Variants in PHACTR4 observed in about 807,000 individuals in gnomAD.
The protein encoded by PHACTR4 is phosphatase and actin regulator 4.
PHACTR4 carries 51 observed loss-of-function variants against 72.7 expected under a neutral mutation model. That is an observed-to-expected ratio of 0.70 (90% CI 0.56 to 0.89). The LOEUF (loss-of-function observed/expected upper bound fraction) is 0.89, where lower values mean the gene tolerates loss of function less well. Ranked by LOEUF, PHACTR4 falls within the 40% of genes least tolerant of loss-of-function variation. The pLI is 0.00. For synonymous variants in PHACTR4, 255 were observed against 302.5 expected, an observed-to-expected ratio of 0.84 and a Z score of 1.63; for missense variants, 731 against 861.8, an observed-to-expected ratio of 0.85 and a Z score of 1.90.
chr1:28,396,874 G>A (rs1235027621), intron 1 of PHACTR4, among the ~76,000 whole-genome samples: 1 of 102,140 alleles, frequency 9.8e-6, no homozygotes, highest in African/African-American at 4.5e-5. Context: ...TGTATTTTTA[G>A]TAGAGACGGG....
chr1:28,452,438 G>A (rs979264951), intron 2 of PHACTR4, among the ~76,000 whole-genome samples: 1 of 152,222 alleles, frequency 6.6e-6, no homozygotes, highest in African/African-American at 2.4e-5. Flanking sequence ...CCCACCAGGA[G>A]TTGGAGGCTG....
intron 1 of PHACTR4, among the ~76,000 whole-genome samples, chr1:28,379,193 G>A (rs528109136): frequency 3.1e-4 from 47 of 152,012 alleles, no homozygotes; most frequent in African/African-American, 1.1e-3. Context: ...AGGCTTAAGC[G>A]ATCTTCCTGC....
intron 1 of PHACTR4, among the ~76,000 whole-genome samples, chr1:28,387,791 G>A (rs548522971): frequency 7.2e-5 from 11 of 151,828 alleles, no homozygotes; most frequent in African/African-American, 2.7e-4. Flanking sequence ...GCAATGGCAC[G>A]ATCTTGGCCC....
rs146999448 is a variant in PHACTR4, at chr1:28,490,328, G to A, written c.1817-623G>A. On this transcript the variant is annotated intron_variant, in intron 10 of 13. Coordinates refer to ENST00000373839, the MANE Select transcript of PHACTR4 (RefSeq NM_001048183.3). ...GAGTGGATCACAAGGTCAGGAGATC[G>A]AGACCATCCTGGCTAACATGGTGAA... Among the ~76,000 whole-genome samples the A allele has an allele frequency of 5.1e-3, 771 of 151,456 alleles. 4 individuals are homozygous for A. The highest frequency in any genetic ancestry group is 0.017 in the African/African-American group (719 of 41,276).
intron 2 of PHACTR4, among the ~76,000 whole-genome samples, chr1:28,439,826 T>C (rs1656872723): frequency 6.6e-6 from 1 of 152,188 alleles, no homozygotes; most frequent in African/African-American, 2.4e-5. Flanking sequence ...TCTCCTGTGG[T>C]TTCTACGCCA....
At chr1:28,477,691 G>A (rs1011931721) in intron 8 of PHACTR4, among the ~76,000 whole-genome samples, 11 of 151,830 alleles carry the variant, frequency 7.2e-5, no homozygotes, top group Non-Finnish European at 1.2e-4. Context: ...CCGAACACTA[G>A]ATCTTATTCC....
intron 4 of PHACTR4, 84 bp downstream of exon 4, chr1:28,460,376 C>T: frequency 9.7e-7 from 1 of 1,028,798 alleles, no homozygotes; most frequent in East Asian, 2.6e-5. Context: ...AATTTTCTTT[C>T]TTTCTTTTAT....
At chr1:28,383,871 A>G (rs1652370639) in intron 1 of PHACTR4, among the ~76,000 whole-genome samples, 1 of 152,138 alleles carries the variant, frequency 6.6e-6, no homozygotes, top group Non-Finnish European at 1.5e-5. Context: ...TTTAACGTGC[A>G]GTGGTATTGA....
chr1:28,386,560 C>T (rs1342873431), intron 1 of PHACTR4, among the ~76,000 whole-genome samples: 1 of 152,096 alleles, frequency 6.6e-6, no homozygotes, highest in East Asian at 1.9e-4. Context: ...AACTAAGTCC[C>T]TTTGAAGGTC....
intron 1 of PHACTR4, among the ~76,000 whole-genome samples, chr1:28,375,337 A>G (rs1008320578): frequency 1.3e-5 from 1 of 78,034 alleles, no homozygotes; most frequent in East Asian, 3.4e-4. Context: ...CCCCCCAAAA[A>G]AAAAACAAAA....
At chr1:28,432,201 T>A (rs1480157494) in intron 2 of PHACTR4, among the ~76,000 whole-genome samples, 1 of 151,776 alleles carries the variant, frequency 6.6e-6, no homozygotes, top group Non-Finnish European at 1.5e-5. Context: ...AGAGCGAGAC[T>A]CTGTATCAAA....
chr1:28,405,764 G>T (rs1249464810), intron 1 of PHACTR4, among the ~76,000 whole-genome samples: 3 of 151,804 alleles, frequency 2.0e-5, no homozygotes, highest in Admixed American at 2.0e-4. Context: ...GGTGGCAGGT[G>T]CCTGTAATCC....
At chr1:28,377,784 T>C (rs1399170264) in intron 1 of PHACTR4, among the ~76,000 whole-genome samples, 2 of 151,214 alleles carry the variant, frequency 1.3e-5, no homozygotes, top group Non-Finnish European at 2.9e-5. Flanking sequence ...TGAGCCGTAA[T>C]TGCGCCACTG....
At chr1:28,394,401 T>G (rs1018151361) in intron 1 of PHACTR4, among the ~76,000 whole-genome samples, 20 of 151,976 alleles carry the variant, frequency 1.3e-4, no homozygotes, top group African/African-American at 4.8e-4. Context: ...TCCTCCTGAC[T>G]TATCATCCTG....
intron 1 of PHACTR4, among the ~76,000 whole-genome samples, chr1:28,376,056 C>T (rs1453382366): frequency 3.4e-5 from 5 of 146,336 alleles, no homozygotes; most frequent in African/African-American, 1.1e-4. Context: ...GCAACAAGAG[C>T]GAAACTCCAT....
At chr1:28,399,407 A>G (rs1653779443) in intron 1 of PHACTR4, among the ~76,000 whole-genome samples, 2 of 152,216 alleles carry the variant, frequency 1.3e-5, no homozygotes, top group Non-Finnish European at 2.9e-5. Context: ...GTTAAGTGAT[A>G]TGGCATGATT....
At chr1:28,469,827 G>C (rs1659448480) in intron 6 of PHACTR4, among the ~76,000 whole-genome samples, 1 of 152,098 alleles carries the variant, frequency 6.6e-6, no homozygotes, top group African/African-American at 2.4e-5. Context: ...AGGCCGAGGT[G>C]GGCAGATCGC....
chr1:28,380,729 TTATC>T (rs1046138488), intron 1 of PHACTR4, among the ~76,000 whole-genome samples: 2 of 152,306 alleles, frequency 1.3e-5, no homozygotes, highest in Non-Finnish European at 2.9e-5. Flanking sequence ...CACCTTTTCT[TTATC>T]TAGTCTACTT....
chr1:28,414,266 A>T (rs1654960673), intron 2 of PHACTR4, among the ~76,000 whole-genome samples: 1 of 151,926 alleles, frequency 6.6e-6, no homozygotes, highest in African/African-American at 2.4e-5. Context: ...GGGTTTCACC[A>T]TGTTGGCTAG....
Sources: allele counts gnomAD v4.1 joint callset (sites outside exome capture counted in the v4.1 genomes callset), GRCh38; gene constraint gnomAD v4.1.1; transcripts MANE v1.5; gene names NCBI Gene and HGNC (gene_info 2026-07-23, HGNC 2026-07-21).